Variants in DLGAP1 observed in about 807,000 individuals in gnomAD.
DLGAP1 encodes the protein disks large-associated protein 1.
In DLGAP1, 11 loss-of-function variants were observed where a neutral mutation model predicts 90.8. That is an observed-to-expected ratio of 0.12 (90% CI 0.08 to 0.20). The LOEUF is 0.20. DLGAP1 is among the 10% of genes least tolerant of loss of function. The pLI, the probability that DLGAP1 is intolerant of heterozygous loss-of-function variation, is 1.00. For missense variants in DLGAP1, 1,050 were observed against 1,333.8 expected (o/e 0.79, Z 3.31); for synonymous variants, 558 against 540.7 (o/e 1.03, Z -0.44).
chr18:3,609,333 C>T (rs2057482403), intron 7 of DLGAP1, among the ~76,000 whole-genome samples: 1 of 152,298 alleles, frequency 6.6e-6, no homozygotes, highest in African/African-American at 2.4e-5. Flanking sequence ...AGGTGTGATC[C>T]ACCTCACCCG....
At chr18:4,422,419 T>C (rs1255265386) in intron 1 of DLGAP1, among the ~76,000 whole-genome samples, 1 of 151,536 alleles carries the variant, frequency 6.6e-6, no homozygotes, top group Non-Finnish European at 1.5e-5. Flanking sequence ...CCCAAAAATA[T>C]TAATACTGGA....
chr18:3,758,045 G>A (rs534256316), intron 5 of DLGAP1, among the ~76,000 whole-genome samples: 1 of 151,610 alleles, frequency 6.6e-6, no homozygotes, highest in South Asian at 2.1e-4. Flanking sequence ...AACTGGGGAG[G>A]CGGAGGTTGC....
intron 7 of DLGAP1, among the ~76,000 whole-genome samples, chr18:3,688,273 A>G (rs1170844655): frequency 6.6e-6 from 1 of 152,088 alleles, no homozygotes; most frequent in Non-Finnish European, 1.5e-5. Flanking sequence ...GATATAGTTA[A>G]TGGTTATCAA....
Position 4,454,620 on chromosome 18 carries a change from G to A in DLGAP1, c.-267+386C>T, listed in dbSNP as rs992204258. Among the ~76,000 whole-genome samples the A allele has an allele frequency of 6.6e-6, 1 of 152,074 alleles. No homozygotes were observed. The highest frequency in any genetic ancestry group is 1.5e-5 in the Non-Finnish European group (1 of 67,998). ...TCCCCTGCAAGGTGCATCGGGGGTGGGGTGGGGGTGCGAATTTGACCGGTG... is the reference window on the plus strand; with the variant it reads ...TCCCCTGCAAGGTGCATCGGGGGTGAGGTGGGGGTGCGAATTTGACCGGTG... On this transcript the variant is annotated intron_variant, in intron 1 of 12. Transcript: ENST00000315677. This position sits in a 1 kb window ranked among gnomAD's most constrained non-coding sequence, Gnocchi z 4.7.
intron 1 of DLGAP1, among the ~76,000 whole-genome samples, chr18:4,156,856 A>G (rs2076765116): frequency 6.6e-6 from 1 of 152,218 alleles, no homozygotes; most frequent in South Asian, 2.1e-4. Context: ...AAGATGCAGA[A>G]ATATGAGAAA....
intron 4 of DLGAP1, among the ~76,000 whole-genome samples, chr18:3,847,962 C>G (rs1170574354): frequency 2.6e-5 from 4 of 151,538 alleles, no homozygotes; most frequent in African/African-American, 9.7e-5. Context: ...GACCCTGTCT[C>G]TACAGAAAAT....
At chr18:4,447,705 A>C (rs1567931846) in intron 1 of DLGAP1, among the ~76,000 whole-genome samples, 1 of 152,248 alleles carries the variant, frequency 6.6e-6, no homozygotes, top group East Asian at 1.9e-4. Context: ...ACAGGTACAG[A>C]GTAAAAGAGA....
intron 4 of DLGAP1, among the ~76,000 whole-genome samples, chr18:3,865,637 C>A (rs573856127): frequency 6.6e-6 from 1 of 152,154 alleles, no homozygotes; most frequent in Non-Finnish European, 1.5e-5. Context: ...AAAGCAGAGG[C>A]ATCATGTTAT....
intron 7 of DLGAP1, among the ~76,000 whole-genome samples, chr18:3,647,593 G>A (rs1479841743): frequency 6.6e-6 from 1 of 151,770 alleles, no homozygotes. Flanking sequence ...AGCCTCCCGA[G>A]TACCTGGGAC....
intron 2 of DLGAP1, among the ~76,000 whole-genome samples, chr18:4,039,037 G>C (rs765281104): frequency 6.6e-6 from 1 of 152,114 alleles, no homozygotes; most frequent in Non-Finnish European, 1.5e-5. Context: ...CGAGGAAAAA[G>C]AGGGTTAACT....
intron 1 of DLGAP1, among the ~76,000 whole-genome samples, chr18:4,285,953 T>C (rs532865191): frequency 1.4e-4 from 22 of 152,212 alleles, no homozygotes; most frequent in Non-Finnish European, 2.1e-4. Flanking sequence ...AACCTCCTGA[T>C]GACTTTTAAA....
intron 3 of DLGAP1, among the ~76,000 whole-genome samples, chr18:3,985,008 A>C (rs9303936): frequency 0.59 from 90,004 of 151,900 alleles, 27,979 homozygotes; most frequent in African/African-American, 0.79. Context: ...TGTTTTTGTT[A>C]AAGCCATTGT....
At chr18:4,199,719 A>C (rs1214004358) in intron 1 of DLGAP1, among the ~76,000 whole-genome samples, 2 of 152,248 alleles carry the variant, frequency 1.3e-5, no homozygotes, top group East Asian at 3.8e-4. Flanking sequence ...GGACCATGGA[A>C]GAGATAAGAA....
At chr18:4,058,347 T>C (rs2075252345) in intron 2 of DLGAP1, among the ~76,000 whole-genome samples, 1 of 152,218 alleles carries the variant, frequency 6.6e-6, no homozygotes, top group Admixed American at 6.5e-5. Context: ...CTTTCATATG[T>C]CTGTTGGCTC....
chr18:4,161,099 C>T (rs761362409), intron 1 of DLGAP1, among the ~76,000 whole-genome samples: 7 of 150,880 alleles, frequency 4.6e-5, no homozygotes, highest in Admixed American at 1.3e-4. Flanking sequence ...TTTTAAGTTC[C>T]GGGGTACATG....
intron 7 of DLGAP1, among the ~76,000 whole-genome samples, chr18:3,695,565 T>G (rs2061064074): frequency 6.6e-6 from 1 of 152,178 alleles, no homozygotes; most frequent in South Asian, 2.1e-4. Context: ...GGTCTATATA[T>G]CTGTTTTGGT....
chr18:4,399,199 T>C (rs2082501478), intron 1 of DLGAP1, among the ~76,000 whole-genome samples: 1 of 152,202 alleles, frequency 6.6e-6, no homozygotes, highest in Non-Finnish European at 1.5e-5. Context: ...CTCACTTCAA[T>C]GTCAAGTTGT....
At chr18:4,123,803 C>T (rs369011612) in intron 2 of DLGAP1, among the ~76,000 whole-genome samples, 5 of 152,246 alleles carry the variant, frequency 3.3e-5, no homozygotes, top group South Asian at 4.2e-4. Context: ...GTTTATAAGG[C>T]GGGTTTCTGG....
chr18:3,623,776 C>CAAA (rs56352605), intron 7 of DLGAP1, among the ~76,000 whole-genome samples: 12 of 92,336 alleles, frequency 1.3e-4, no homozygotes, highest in Admixed American at 4.7e-4. Flanking sequence ...GACTCCGTCT[C>CAAA]AAAAAAAAAA....
Sources: gnomAD v4.1 joint callset for allele counts (sites outside exome capture counted in the v4.1 genomes callset) on GRCh38, gnomAD v4.1.1 for gene constraint, Gnocchi (gnomAD v3.1) non-coding constraint, MANE v1.5 for transcripts, NCBI Gene and HGNC (gene_info 2026-07-23, HGNC 2026-07-21) for gene names.